Variants in STPG1 observed in about 807,000 individuals in gnomAD.
The protein encoded by STPG1 is sperm tail PG-rich repeat containing 1, also known as O(6)-methylguanine-induced apoptosis 2.
Under a neutral mutation model 40.1 loss-of-function variants are expected in STPG1, and 33 were observed. That is an observed-to-expected ratio of 0.82 (90% CI 0.62 to 1.10). The LOEUF is 1.10. Ranked by LOEUF, STPG1 falls within the 50% of genes least tolerant of loss-of-function variation. The pLI, the probability that STPG1 is intolerant of heterozygous loss-of-function variation, is 0.00. For missense variants in STPG1, 396 were observed against 415.1 expected (o/e 0.95, Z 0.40); for synonymous variants, 150 against 155.0 (o/e 0.97, Z 0.24).
chr1:24,380,560 G>C (rs1184414995), intron 4 of STPG1, among the ~76,000 whole-genome samples: 2 of 152,200 alleles, frequency 1.3e-5, no homozygotes, highest in Admixed American at 6.5e-5. Context: ...AAAAGCTTGA[G>C]AACATTGCCC....
chr1:24,398,432 A>G (rs1336503077), intron 2 of STPG1, among the ~76,000 whole-genome samples: 1 of 152,160 alleles, frequency 6.6e-6, no homozygotes, highest in Non-Finnish European at 1.5e-5. Context: ...ACAGGGAGTG[A>G]AACTAGTACA....
intron 5 of STPG1, 35 bp from the exon 6 acceptor site, chr1:24,373,845 C>T: frequency 1.4e-6 from 2 of 1,437,424 alleles, no homozygotes. Context: ...GTACTCAGTA[C>T]CTTTCCTTTC....
chr1:24,373,486 C>T (rs1442965530), intron 6 of STPG1, among the ~76,000 whole-genome samples: 1 of 152,226 alleles, frequency 6.6e-6, no homozygotes, highest in African/African-American at 2.4e-5. Flanking sequence ...CAGGAAGCTG[C>T]TTTGGAGGCC....
chr1:24,369,288 A>T, intron 7 of STPG1: 1 of 460,600 alleles, frequency 2.2e-6, no homozygotes, highest in East Asian at 6.7e-5. Context: ...GCACCAGGGG[A>T]ATCCAGCATC....
At chr1:24,369,010 T>G in intron 7 of STPG1, 1 of 188,618 alleles carries the variant, frequency 5.3e-6, no homozygotes, top group Non-Finnish European at 1.1e-5. Context: ...CAGCCAAACA[T>G]GTATTTTTAA....
chr1:24,407,871 G>A (rs1557465511), intron 1 of STPG1, among the ~76,000 whole-genome samples: 1 of 152,148 alleles, frequency 6.6e-6, no homozygotes, highest in East Asian at 1.9e-4. Flanking sequence ...GCCTCATCAT[G>A]TTCAGTTTCC....
intron 1 of STPG1, among the ~76,000 whole-genome samples, chr1:24,401,775 C>T (rs1251941484): frequency 2.0e-5 from 3 of 152,130 alleles, no homozygotes; most frequent in South Asian, 2.1e-4. Context: ...TCACTGCAAC[C>T]GCTGCCCCTG....
intron 2 of STPG1, chr1:24,391,997 CA>C: frequency 9.4e-7 from 1 of 1,062,220 alleles, no homozygotes; most frequent in South Asian, 2.9e-5. Flanking sequence ...AAGGAGACAG[CA>C]AAACTATTCT....
chr1:24,379,916 T>A (rs553113072), intron 4 of STPG1, 93 bp from the exon 5 acceptor site: 1 of 1,295,236 alleles, frequency 7.7e-7, no homozygotes, highest in Non-Finnish European at 1.1e-6. Flanking sequence ...GCACAAGGTC[T>A]AAATGCATTT....
intron 5 of STPG1, among the ~76,000 whole-genome samples, chr1:24,374,621 A>AC (rs1411039962): frequency 1.4e-5 from 2 of 146,552 alleles, no homozygotes; most frequent in Non-Finnish European, 3.0e-5. Flanking sequence ...TATTGTTGCT[A>AC]CTTTTTTTTT....
chr1:24,384,821 A>C (rs1642435345), intron 3 of STPG1, among the ~76,000 whole-genome samples: 1 of 152,164 alleles, frequency 6.6e-6, no homozygotes, highest in Non-Finnish European at 1.5e-5. Context: ...TGAAGGGATT[A>C]CTGTCCCCCG....
chr1:24,372,347 T>G (rs1360030502), intron 6 of STPG1, among the ~76,000 whole-genome samples: 1 of 152,170 alleles, frequency 6.6e-6, no homozygotes, highest in Non-Finnish European at 1.5e-5. Context: ...CCATGGGGCT[T>G]TGGAGCATTC....
Position 24,379,635 on chromosome 1 carries a change from C to T in STPG1, c.462+18G>A. ...ATTAATTCGATCTGTATTTAGCAAG[C>T]ATAGGCAGAGTTCTTACATTGTAAT... On this transcript the variant is annotated intron_variant, in intron 5 of 8. Transcript: ENST00000337248. The T allele has an allele frequency of 6.2e-7, 1 of 1,613,120 alleles. No individual in the cohort carries two copies. Among genetic ancestry groups the T allele is most frequent in the Non-Finnish European group, 8.5e-7 (1 of 1,179,106 alleles).
At chr1:24,373,462 A>G (rs1193604370) in intron 6 of STPG1, among the ~76,000 whole-genome samples, 1 of 152,230 alleles carries the variant, frequency 6.6e-6, no homozygotes, top group Non-Finnish European at 1.5e-5. Context: ...ATGCCAGATC[A>G]TAAAAGGGGA....
intron 4 of STPG1, among the ~76,000 whole-genome samples, chr1:24,381,927 C>T (rs908828426): frequency 1.3e-5 from 2 of 152,178 alleles, no homozygotes; most frequent in Admixed American, 6.5e-5. Context: ...CCTAATAGAT[C>T]GCCATCGACC....
At chr1:24,392,773 T>C (rs1016867275) in intron 2 of STPG1, among the ~76,000 whole-genome samples, 1 of 152,008 alleles carries the variant, frequency 6.6e-6, no homozygotes, top group African/African-American at 2.4e-5. Context: ...GCATCCTGAC[T>C]CTGTAGGCTG....
chr1:24,374,245 T>TTTTG (rs1557440414), intron 5 of STPG1, among the ~76,000 whole-genome samples: 13 of 72,654 alleles, frequency 1.8e-4, no homozygotes, highest in African/African-American at 1.1e-3. Context: ...TAGGAAAGTG[T>TTTTG]TTTTTTTTTT....
chr1:24,364,200 C>A, intron 7 of STPG1: 1 of 1,518,354 alleles, frequency 6.6e-7, no homozygotes, highest in Non-Finnish European at 8.8e-7. Flanking sequence ...CTTCTCTCCT[C>A]CACCCACGCC....
intron 7 of STPG1, chr1:24,364,562 C>T (rs1641332127): frequency 2.0e-6 from 2 of 988,596 alleles, no homozygotes; most frequent in Admixed American, 4.1e-5. Flanking sequence ...AGGCCCCTAG[C>T]CCTATCCCGG....
Sources: allele counts gnomAD v4.1 joint callset (sites outside exome capture counted in the v4.1 genomes callset), GRCh38; gene constraint gnomAD v4.1.1; transcripts MANE v1.5; gene names NCBI Gene and HGNC (gene_info 2026-07-23, HGNC 2026-07-21).